Variants in DDX6 observed in about 807,000 individuals in gnomAD.
The protein encoded by DDX6 is probable ATP-dependent RNA helicase DDX6.
A neutral mutation model predicts 60.6 loss-of-function variants in DDX6; 7 were observed. The ratio of observed to expected loss-of-function variants is 0.12; its 90% CI spans 0.07 to 0.22. The LOEUF (loss-of-function observed/expected upper bound fraction) is 0.22. Among genes scored for constraint, DDX6 ranks in the 10% least tolerant of loss-of-function variants. DDX6 has a pLI of 1.00. For missense variants in DDX6, 270 were observed against 589.9 expected (o/e 0.46, Z 5.62); for synonymous variants, 207 against 201.0 (o/e 1.03, Z -0.25).
rs1434113158 is a variant in DDX6, at chr11:118,748,399, T to C, written c.*3706A>G. ...AGTTTTAAAAAACTATCTTTAGATTTAGAGATACAAAGTACAACTACAATC... is the reference window on the plus strand; with the variant it reads ...AGTTTTAAAAAACTATCTTTAGATTCAGAGATACAAAGTACAACTACAATC... On this transcript the variant is annotated 3_prime_UTR_variant, in exon 14 of 14. Transcript: ENST00000534980. 2 of 152,224 alleles carry C rather than the reference T, an allele frequency of 1.3e-5. No homozygotes were observed. Among genetic ancestry groups the C allele is most frequent in the Admixed American group, 6.5e-5 (1 of 15,278 alleles). The allele number at this position is 152,224 out of a possible 1,614,324, so 9.4% of individuals were successfully genotyped here. A position where few individuals can be genotyped will look rare whatever the true frequency, so the allele number is the denominator to read the frequency against.
intron 2 of DDX6, among the ~76,000 whole-genome samples, chr11:118,783,798 G>A (rs1397828965): frequency 1.3e-4 from 2 of 15,224 alleles, no homozygotes; most frequent in Non-Finnish European, 2.7e-4. Context: ...CAGAGTGAGT[G>A]AGAGTCCATC....
chr11:118,762,363 T>C (rs1314512395), intron 7 of DDX6, among the ~76,000 whole-genome samples: 6 of 151,508 alleles, frequency 4.0e-5, no homozygotes, highest in African/African-American at 1.5e-4. Flanking sequence ...CTGATCACTA[T>C]AGATCCTCCT....
At position 118,786,097 on chromosome 11, in the gene DDX6, T is replaced by C. The variant is rs374639004; in HGVS notation, c.155A>G (p.Asn52Ser). The change falls in exon 2 of 14, where the codon AAT becomes AGT. Residue 52 changes from asparagine (N) to serine (S), a missense_variant. Transcript: ENST00000534980. ...CTGTGCTTGCTGCTGAGTGCCATTA[T>C]TGATTGTGTTGGTGTTTTTCAGCTG... ...MNQLKNTNTI[N>S]NGTQQQAQSM... 7 of 1,613,900 alleles carry C rather than the reference T, an allele frequency of 4.3e-6. No individual in the cohort carries two copies. The highest frequency in any genetic ancestry group is 1.1e-5 in the South Asian group (1 of 91,080).
At chr11:118,782,159 G>A (rs182754620) in intron 2 of DDX6, among the ~76,000 whole-genome samples, 12 of 152,300 alleles carry the variant, frequency 7.9e-5, no homozygotes, top group Admixed American at 7.2e-4. Context: ...TCCTGCGCCA[G>A]AGCAAGGCTC....
intron 4 of DDX6, among the ~76,000 whole-genome samples, chr11:118,778,317 G>T (rs1355018677): frequency 6.6e-6 from 1 of 152,174 alleles, no homozygotes; most frequent in South Asian, 2.1e-4. Flanking sequence ...TGAGCTACAA[G>T]TATCTTTGGC....
intron 4 of DDX6, among the ~76,000 whole-genome samples, chr11:118,773,150 C>CT (rs2137498858): frequency 6.6e-6 from 1 of 152,274 alleles, no homozygotes; most frequent in African/African-American, 2.4e-5. Flanking sequence ...TTCCAATCTC[C>CT]TAGCATTGAG....
rs561360520 is a variant in DDX6, at chr11:118,761,429, C to A, written c.742-1385G>T. Among the ~76,000 whole-genome samples, 168 of 152,190 alleles carry A rather than the reference C, an allele frequency of 1.1e-3. 1 individual carries two copies. The highest frequency in any genetic ancestry group is 8.7e-4 in the Non-Finnish European group (59 of 67,992). On this transcript the variant is annotated intron_variant, in intron 7 of 13. Transcript: ENST00000534980. ...GTCGGGAGTTTGAGACCAGCCTGAC[C>A]AACATGGAGAAACCCTGTCTCTGCT...
intron 9 of DDX6, 45 bp from the exon 10 acceptor site, chr11:118,757,332 T>G (rs1555159194): frequency 3.5e-6 from 4 of 1,139,298 alleles, no homozygotes; most frequent in Middle Eastern, 2.0e-4. Context: ...AAAAAAACCT[T>G]CATTTGGTTT....
chr11:118,761,575 C>T (rs1369298607), intron 7 of DDX6, among the ~76,000 whole-genome samples: 2 of 152,068 alleles, frequency 1.3e-5, no homozygotes, highest in African/African-American at 4.8e-5. Context: ...TGAGATCGCA[C>T]CACTGCACTC....
At chr11:118,780,192 T>C (rs1471068359) in intron 3 of DDX6, among the ~76,000 whole-genome samples, 10 of 146,374 alleles carry the variant, frequency 6.8e-5, no homozygotes, top group Non-Finnish European at 1.3e-4. Flanking sequence ...ATCTTAAATA[T>C]AAATATATGC....
At chr11:118,754,135 A>G (rs1451342686) in intron 13 of DDX6, among the ~76,000 whole-genome samples, 1 of 152,126 alleles carries the variant, frequency 6.6e-6, no homozygotes, top group African/African-American at 2.4e-5. Flanking sequence ...AAAACTGTCA[A>G]AAAAGGCCAG....
chr11:118,752,296 G>T (rs184417207), intron 13 of DDX6, among the ~76,000 whole-genome samples, 199 bp from the exon 14 acceptor site: 2 of 152,270 alleles, frequency 1.3e-5, no homozygotes, highest in East Asian at 3.9e-4. Context: ...GAATGAATGT[G>T]AATGTTCTGA....
intron 6 of DDX6, among the ~76,000 whole-genome samples, chr11:118,764,306 T>G (rs1263137421): frequency 1.3e-5 from 2 of 152,220 alleles, no homozygotes; most frequent in Non-Finnish European, 2.9e-5. Flanking sequence ...TCATGAAACC[T>G]CTTCATGAAA....
At chr11:118,787,905 A>G (rs1160838273) in intron 1 of DDX6, 2 of 152,070 alleles carry the variant, frequency 1.3e-5, no homozygotes, top group Non-Finnish European at 2.9e-5. Flanking sequence ...AAAAAACAGG[A>G]AAATTCCTGT....
intron 7 of DDX6, 104 bp downstream of exon 7, chr11:118,763,108 T>C (rs1271071364): frequency 4.1e-6 from 3 of 726,316 alleles, no homozygotes; most frequent in African/African-American, 3.7e-5. Context: ...GTTTATGTGT[T>C]TATTAGATCA....
intron 1 of DDX6, chr11:118,786,993 T>G (rs1363000789): frequency 1.3e-5 from 2 of 152,196 alleles, no homozygotes; most frequent in African/African-American, 2.4e-5. Flanking sequence ...TGACTTGAAC[T>G]TCACACTTCC....
rs1242271120 is a variant in DDX6 at position 118,759,068 on chromosome 11, CT to C, written c.865-167del. The C allele has an allele frequency of 5.6e-6, 5 of 887,880 alleles. No individual in the cohort carries two copies. The African/African-American group carries it at 6.9e-5, about 12-fold the overall frequency. 55.0% of individuals were successfully genotyped at this position (887,880 alleles called of 1,614,324 possible). ...GATCTGTCATTACAGAATTTCCCCCCTGCCACCCTGAGACAAAATCTTGCTC... is the reference window on the plus strand; with the variant it reads ...GATCTGTCATTACAGAATTTCCCCCCGCCACCCTGAGACAAAATCTTGCTC... On this transcript the variant is annotated intron_variant, in intron 8 of 13. Transcript: ENST00000534980.
rs1861077467 is a variant in DDX6 at position 118,759,078 on chromosome 11, G to A, written c.865-176C>T. On this transcript the variant is annotated intron_variant, in intron 8 of 13. Transcript: ENST00000534980. ...TACAGAATTTCCCCCCTGCCACCCT[G>A]AGACAAAATCTTGCTCTGTCACCCA... 5.0e-6 allele frequency: 4 copies of A among 804,444 alleles called. No individual in the cohort carries two copies. In the East Asian group the frequency reaches 1.3e-4, roughly 27 times the overall value. The allele number at this position is 804,444 out of a possible 1,614,324, so 49.8% of individuals were successfully genotyped here.
At chr11:118,757,589 T>C (rs1211306302) in intron 9 of DDX6, among the ~76,000 whole-genome samples, 1 of 146,662 alleles carries the variant, frequency 6.8e-6, no homozygotes, top group Non-Finnish European at 1.5e-5. Flanking sequence ...AAAAATATTT[T>C]ATTTTATTTT....
Sources: allele counts gnomAD v4.1 joint callset (sites outside exome capture counted in the v4.1 genomes callset), GRCh38; gene constraint gnomAD v4.1.1; transcripts MANE v1.5; gene names NCBI Gene and HGNC (gene_info 2026-07-23, HGNC 2026-07-21).